PTOV1: variants seen among roughly 807,000 people sequenced by gnomAD.
The protein encoded by PTOV1 is prostate tumor-overexpressed gene 1 protein.
In PTOV1, 20 loss-of-function variants were observed where a neutral mutation model predicts 58.0. That is an observed-to-expected ratio of 0.34 (90% CI 0.24 to 0.50). PTOV1 has a LOEUF of 0.50. Among genes scored for constraint, PTOV1 ranks in the 20% least tolerant of loss-of-function variants. The pLI is 0.98. For missense variants in PTOV1, 593 were observed against 565.4 expected, an observed-to-expected ratio of 1.05 and a Z score of -0.50; for synonymous variants, 335 against 234.2, an observed-to-expected ratio of 1.43 and a Z score of -3.93.
chr19:49,857,545 G>C (rs2074530478), intron 6 of PTOV1, 148 bp from the exon 7 acceptor site: 4 of 750,522 alleles, frequency 5.3e-6, no homozygotes, highest in Non-Finnish European at 9.1e-6. Context: ...GCAGATGAGG[G>C]GCAGGGCCTG....
intron 5 of PTOV1, chr19:49,855,449 G>T: frequency 3.5e-6 from 1 of 287,824 alleles, no homozygotes; most frequent in Non-Finnish European, 6.9e-6. Context: ...AGGAGGGAGT[G>T]GCACGTTGGG....
At chr19:49,851,535 G>GCCCCCCCCC in intron 1 of PTOV1, 36 bp downstream of exon 1, 2 of 1,135,354 alleles carry the variant, frequency 1.8e-6, no homozygotes, top group East Asian at 3.4e-5. Flanking sequence ...GCCTTCCACG[G>GCCCCCCCCC]CCCCGCCCCC....
chr19:49,855,020 C>T, exon 5 of PTOV1: 1 of 1,601,952 alleles, frequency 6.2e-7, no homozygotes. Context: ...AGTTCCACTT[C>T]ACCAACAGAG....
chr19:49,858,599 C>T lies in PTOV1; in HGVS notation c.987C>T (p.Phe329=), dbSNP rs7256094. The T allele has an allele frequency of 4.6e-3, 7,457 of 1,607,044 alleles. 260 individuals are homozygous for T. In the African/African-American group the frequency reaches 0.083, roughly 18 times the overall value. ...ACTCGCGCCTGGTCCAGTTCCACTT[C>T]ACCAAGGACCTGGAGACACTGAAGA... Residue 329 remains phenylalanine, a synonymous_variant, in exon 10 of 12, where the codon TTC becomes TTT. Transcript: ENST00000391842.
chr19:49,853,509 A>T (rs1163602574), intron 1 of PTOV1, among the ~76,000 whole-genome samples: 1 of 151,928 alleles, frequency 6.6e-6, no homozygotes, highest in Admixed American at 6.6e-5. Flanking sequence ...AAAAAAAAAA[A>T]AAAAAATTAG....
chr19:49,856,989 G>C (rs1198015929), exon 6 of PTOV1: 8 of 1,613,102 alleles, frequency 5.0e-6, no homozygotes, highest in Admixed American at 3.3e-5. Context: ...GCTGCATGCT[G>C]TTCCCCCACA....
At chr19:49,858,905 C>T (rs771913752) in intron 10 of PTOV1, 23 of 436,860 alleles carry the variant, frequency 5.3e-5, no homozygotes, top group East Asian at 3.2e-4. Context: ...ACCAACTCCG[C>T]GCTCTCCACT....
At position 49,858,531 on chromosome 19, in the gene PTOV1, C is replaced by A. The variant is rs1435190655; in HGVS notation, c.937-18C>A. 1 of 1,567,360 alleles carries A rather than the reference C, an allele frequency of 6.4e-7. No individual in the cohort carries two copies. The highest frequency in any genetic ancestry group is 8.7e-7 in the Non-Finnish European group (1 of 1,153,256). Reference sequence around the variant, plus strand: ...GGTGGGAGAAGCCAGAGCTGGGGGTCCCCTCGCTTCCCCGCAGACCACCCT... The same window carrying A: ...GGTGGGAGAAGCCAGAGCTGGGGGTACCCTCGCTTCCCCGCAGACCACCCT... On this transcript the variant is annotated intron_variant, in intron 9 of 11. Transcript: ENST00000391842.
chr19:49,860,557 T>C, exon 12 of PTOV1: 1 of 580,754 alleles, frequency 1.7e-6, no homozygotes, highest in East Asian at 2.8e-5. Context: ...CACAGGGATG[T>C]GGGGTCAGTG....
chr19:49,854,587 T>G, intron 2 of PTOV1, 44 bp downstream of exon 2: 1 of 1,612,872 alleles, frequency 6.2e-7, no homozygotes, highest in Non-Finnish European at 8.5e-7. Context: ...GGTCTTGTCT[T>G]GTCCCTGCGG....
chr19:49,854,991 C>G (rs373985365), exon 5 of PTOV1: 1 of 1,599,300 alleles, frequency 6.3e-7, no homozygotes, highest in Non-Finnish European at 8.5e-7. Flanking sequence ...CCCCCTGTTC[C>G]GGAACTCCCA....
At chr19:49,856,799 C>T (rs990183272) in intron 5 of PTOV1, 176 bp from the exon 6 acceptor site, 12 of 724,810 alleles carry the variant, frequency 1.7e-5, no homozygotes, top group African/African-American at 5.4e-5. Context: ...CGGGGGATGC[C>T]GATGGGCGCT....
chr19:49,854,713 A>G, exon 3 of PTOV1: 1 of 1,613,504 alleles, frequency 6.2e-7, no homozygotes, highest in Non-Finnish European at 8.5e-7. Flanking sequence ...TGCCAAGCCT[A>G]CGTGAACCAA....
intron 5 of PTOV1, chr19:49,856,330 CAAGGTTGAG>C (rs1295770423): frequency 2.0e-5 from 3 of 152,578 alleles, no homozygotes; most frequent in Admixed American, 6.5e-5. Context: ...GGCTGGACAC[CAAGGTTGAG>C]AAGTTAGGCC....
chr19:49,853,177 C>T (rs986722573), intron 1 of PTOV1: 1 of 152,208 alleles, frequency 6.6e-6, no homozygotes, highest in Admixed American at 6.5e-5. Flanking sequence ...AAGGAAAGAT[C>T]TCCTTGTGCT....
intron 1 of PTOV1, chr19:49,852,090 C>T (rs2074276358): frequency 1.0e-6 from 1 of 984,664 alleles, no homozygotes; most frequent in South Asian, 4.7e-5. Context: ...GCACACGCTT[C>T]TCCGGACCCA....
At chr19:49,857,934 A>G (rs2074552988) in exon 8 of PTOV1, 1 of 1,613,890 alleles carries the variant, frequency 6.2e-7, no homozygotes. Flanking sequence ...TCGGTCCAAG[A>G]GGTGGCTGCC....
intron 1 of PTOV1, chr19:49,852,549 TA>T (rs1390838306): frequency 6.6e-6 from 1 of 152,242 alleles, no homozygotes; most frequent in African/African-American, 2.4e-5. Context: ...AGATTTACTT[TA>T]GGTTGCACCT....
At chr19:49,853,246 A>C (rs1425745391) in intron 1 of PTOV1, 2 of 152,178 alleles carry the variant, frequency 1.3e-5, no homozygotes, top group Non-Finnish European at 2.9e-5. Context: ...CACCCTTATA[A>C]TTTGTTTTCC....
Sources: allele counts gnomAD v4.1 joint callset (sites outside exome capture counted in the v4.1 genomes callset), GRCh38; gene constraint gnomAD v4.1.1; transcripts MANE v1.5; gene names NCBI Gene and HGNC (gene_info 2026-07-23, HGNC 2026-07-21).